The following TECRL variants were observed in gnomAD, a reference collection of about 807,000 sequenced individuals.
TECRL encodes the protein trans-2,3-enoyl-CoA reductase-like.
In TECRL, 63 loss-of-function variants were observed where a neutral mutation model predicts 52.8. The ratio of observed to expected loss-of-function variants is 1.19; its 90% CI spans 0.97 to 1.47. The LOEUF is 1.47. Among genes scored for constraint, TECRL ranks in the 40% most tolerant of loss-of-function variants. TECRL has a pLI of 0.00. For synonymous variants in TECRL, 164 were observed against 141.9 expected, an observed-to-expected ratio of 1.16 and a Z score of -1.10; for missense variants, 482 against 429.6, an observed-to-expected ratio of 1.12 and a Z score of -1.08.
rs913501297 is a variant in TECRL at position 64,305,396 on chromosome 4, T to C, written c.658-158A>G. On this transcript the variant is annotated intron_variant, in intron 6 of 11. Coordinates refer to ENST00000381210, the MANE Select transcript of TECRL (RefSeq NM_001010874.5). ...TTTATATGTAAAATGGTACAAATTG[T>C]CTAAGCTAAATAAACAGAATATTAC... 2.6e-5 allele frequency among the ~76,000 whole-genome samples: 4 copies of C among 152,218 alleles called. No individual in the cohort carries two copies. The East Asian group carries it at 5.8e-4, about 22-fold the overall frequency.
chr4:64,287,746 GT>G lies in TECRL; in HGVS notation c.832+1963del, dbSNP rs1358243189. On this transcript the variant is annotated intron_variant, in intron 9 of 11. Coordinates refer to ENST00000381210, the MANE Select transcript of TECRL (RefSeq NM_001010874.5). ...TTTTAATGGGCATTTCTCACTTTAT[GT>G]TTTTTGCTAATGACTTATTACTTGC... Among the ~76,000 whole-genome samples the G allele has an allele frequency of 2.0e-5, 3 of 152,122 alleles. No homozygotes were observed. In the East Asian group the frequency reaches 5.8e-4, roughly 29 times the overall value.
chr4:64,387,722 G>C (rs1408825358), intron 1 of TECRL, among the ~76,000 whole-genome samples: 1 of 151,874 alleles, frequency 6.6e-6, no homozygotes, highest in Non-Finnish European at 1.5e-5. Flanking sequence ...AAGTTCTTTG[G>C]CCCATTTTGT....
Position 64,288,018 on chromosome 4 carries a change from C to A in TECRL, c.832+1692G>T, listed in dbSNP as rs886491835. On this transcript the variant is annotated intron_variant, in intron 9 of 11. Transcript: ENST00000381210. ...AAAATTAGCTGGGCATGGTGGTGTG[C>A]ACCTGTAATCCCAGCTACTCAGGAG... Among the ~76,000 whole-genome samples the A allele has an allele frequency of 3.3e-5, 5 of 151,986 alleles. No homozygotes were observed. The South Asian group carries it at 6.2e-4, about 19-fold the overall frequency.
At chr4:64,376,101 T>C (rs147054702) in intron 1 of TECRL, among the ~76,000 whole-genome samples, 1 of 152,036 alleles carries the variant, frequency 6.6e-6, no homozygotes, top group East Asian at 1.9e-4. Flanking sequence ...ATGCATAAAA[T>C]GTTGGTGCAT....
intron 2 of TECRL, among the ~76,000 whole-genome samples, chr4:64,333,121 G>A (rs1032365580): frequency 1.1e-4 from 17 of 152,004 alleles, no homozygotes; most frequent in African/African-American, 3.6e-4. Flanking sequence ...AAAACCAGAT[G>A]TAAGTATATA....
chr4:64,291,633 T>C (rs1723396109), intron 8 of TECRL, among the ~76,000 whole-genome samples: 1 of 151,994 alleles, frequency 6.6e-6, no homozygotes, highest in African/African-American at 2.4e-5. Flanking sequence ...TTCTTCTTCC[T>C]GCTTATTTAT....
In TECRL at chr4:64,305,631, C is replaced by G. The variant is rs377459052; in HGVS notation, c.658-393G>C. On this transcript the variant is annotated intron_variant, in intron 6 of 11. Coordinates refer to ENST00000381210, the MANE Select transcript of TECRL (RefSeq NM_001010874.5). Reference sequence around the variant, plus strand: ...TTCCAGCCACCTGCAGAGGCACAGACAAGGACTGAGGATGTCCTAAAACAA... The same window carrying G: ...TTCCAGCCACCTGCAGAGGCACAGAGAAGGACTGAGGATGTCCTAAAACAA... 6.6e-5 allele frequency among the ~76,000 whole-genome samples: 10 copies of G among 152,256 alleles called. No individual in the cohort carries two copies. In the South Asian group the frequency reaches 2.1e-3, roughly 32 times the overall value.
chr4:64,333,913 A>C (rs112211597), intron 2 of TECRL, among the ~76,000 whole-genome samples: 1,714 of 140,100 alleles, frequency 0.012, 194 homozygotes, highest in African/African-American at 0.046. Context: ...AGTCCCAGCT[A>C]CTCGGGAGGC....
intron 1 of TECRL, among the ~76,000 whole-genome samples, chr4:64,378,330 C>T (rs183173659): frequency 6.6e-6 from 1 of 151,888 alleles, no homozygotes; most frequent in Non-Finnish European, 1.5e-5. Flanking sequence ...CTTTTGGAAA[C>T]CAAGGCAGAA....
At chr4:64,375,853 C>A (rs1207324163) in intron 1 of TECRL, among the ~76,000 whole-genome samples, 1 of 151,690 alleles carries the variant, frequency 6.6e-6, no homozygotes, top group African/African-American at 2.4e-5. Flanking sequence ...ATTTTTTATT[C>A]ATCTAAATTT....
At chr4:64,283,157 C>G (rs558501583) in intron 9 of TECRL, among the ~76,000 whole-genome samples, 3 of 152,088 alleles carry the variant, frequency 2.0e-5, no homozygotes, top group African/African-American at 7.2e-5. Flanking sequence ...GATTGTTCAT[C>G]CCAGTTTTAG....
At chr4:64,284,769 A>C (rs575592431) in intron 9 of TECRL, among the ~76,000 whole-genome samples, 1 of 152,242 alleles carries the variant, frequency 6.6e-6, no homozygotes, top group African/African-American at 2.4e-5. Flanking sequence ...CTATTGCTAA[A>C]TTTAGACAAA....
At chr4:64,382,848 C>T (rs1355147438) in intron 1 of TECRL, among the ~76,000 whole-genome samples, 1 of 151,846 alleles carries the variant, frequency 6.6e-6, no homozygotes, top group Non-Finnish European at 1.5e-5. Flanking sequence ...ATTTGAGTCC[C>T]TCCCTTTCTT....
At chr4:64,344,244 A>G (rs1481535371) in intron 2 of TECRL, among the ~76,000 whole-genome samples, 5 of 151,996 alleles carry the variant, frequency 3.3e-5, no homozygotes, top group Non-Finnish European at 7.4e-5. Flanking sequence ...TATAATCTCT[A>G]TTTATATCTC....
chr4:64,409,397 G>T lies in TECRL; in HGVS notation c.-46C>A. ...TCTGTCATGTCAAAAGTAGAAAATT[G>T]CAAGTGTGTTCCTTTTGCATCAGTT... On this transcript the variant is annotated 5_prime_UTR_variant, in exon 1 of 12. It introduces an in-frame stop codon into an upstream open reading frame of the 5' UTR. Coordinates refer to ENST00000381210, the MANE Select transcript of TECRL (RefSeq NM_001010874.5). The T allele has an allele frequency of 6.3e-7, 1 of 1,594,366 alleles. No individual in the cohort carries two copies. Among genetic ancestry groups the T allele is most frequent in the Non-Finnish European group, 8.6e-7 (1 of 1,169,110 alleles).
At chr4:64,354,064 G>A (rs1394088619) in intron 2 of TECRL, among the ~76,000 whole-genome samples, 1 of 152,136 alleles carries the variant, frequency 6.6e-6, no homozygotes, top group African/African-American at 2.4e-5. Flanking sequence ...CTCAAATACG[G>A]ATTTATACTT....
At chr4:64,404,025 G>A (rs1377910814) in intron 1 of TECRL, among the ~76,000 whole-genome samples, 1 of 151,798 alleles carries the variant, frequency 6.6e-6, no homozygotes, top group Non-Finnish European at 1.5e-5. Context: ...TATTAAAATG[G>A]CAATGTCAAA....
Position 64,279,330 on chromosome 4 carries a change from G to C in TECRL, c.*742C>G, listed in dbSNP as rs11131522. On this transcript the variant is annotated 3_prime_UTR_variant, in exon 12 of 12. Transcript: ENST00000381210. ...TGCCTTGGTTTAATCATGGCTCTCTGTAGCCTTGAACGCCTGAGCTGGAGC... is the reference window on the plus strand; with the variant it reads ...TGCCTTGGTTTAATCATGGCTCTCTCTAGCCTTGAACGCCTGAGCTGGAGC... 0.63 allele frequency: 95,622 copies of C among 151,992 alleles called. 33,161 individuals are homozygous for C. Among genetic ancestry groups the C allele is most frequent in the Non-Finnish European group, 0.77 (52,214 of 68,008 alleles). 9.4% of individuals were successfully genotyped at this position (151,992 alleles called of 1,614,324 possible).
intron 2 of TECRL, among the ~76,000 whole-genome samples, chr4:64,360,255 T>G (rs1721082203): frequency 3.7e-5 from 1 of 27,216 alleles, no homozygotes; most frequent in Non-Finnish European, 1.5e-4. Flanking sequence ...GATACCCACT[T>G]AATTTTTTTA....
Sources: allele counts gnomAD v4.1 joint callset (sites outside exome capture counted in the v4.1 genomes callset), GRCh38; gene constraint gnomAD v4.1.1; transcripts MANE v1.5; gene names NCBI Gene and HGNC (gene_info 2026-07-23, HGNC 2026-07-21).